Variants in PACS1 observed in about 807,000 individuals in gnomAD.
The protein encoded by PACS1 is phosphofurin acidic cluster sorting protein 1.
In PACS1, 24 loss-of-function variants were observed where a neutral mutation model predicts 115.0. The ratio of observed to expected loss-of-function variants is 0.21; its 90% CI spans 0.15 to 0.29. PACS1 has a LOEUF of 0.29. PACS1 is among the 10% of genes least tolerant of loss of function. PACS1 has a pLI of 1.00. For missense variants in PACS1, 838 were observed against 1,251.2 expected (o/e 0.67, Z 4.98); for synonymous variants, 453 against 504.5 (o/e 0.90, Z 1.37).
At chr11:66,140,581 A>ATTTGAAT (rs1858956110) in intron 1 of PACS1, among the ~76,000 whole-genome samples, 1 of 152,144 alleles carries the variant, frequency 6.6e-6, no homozygotes, top group South Asian at 2.1e-4. Context: ...ATACATTTAC[A>ATTTGAAT]AGGTTCAAAA....
At chr11:66,196,984 C>T (rs1031173864) in intron 2 of PACS1, among the ~76,000 whole-genome samples, 4 of 152,138 alleles carry the variant, frequency 2.6e-5, no homozygotes, top group Non-Finnish European at 5.9e-5. Context: ...TTCTTAAAGA[C>T]TTTTCTGAAG....
intron 19 of PACS1, among the ~76,000 whole-genome samples, chr11:66,237,242 T>G (rs1855723141): frequency 6.6e-6 from 1 of 152,148 alleles, no homozygotes; most frequent in Non-Finnish European, 1.5e-5. Flanking sequence ...TGTATTTTTC[T>G]GCTGAGATGG....
At chr11:66,215,902 A>AAATAAC in intron 4 of PACS1, among the ~76,000 whole-genome samples, 1 of 136,994 alleles carries the variant, frequency 7.3e-6, no homozygotes, top group South Asian at 2.4e-4. Flanking sequence ...TCCGTCTCAA[A>AAATAAC]AATAATAATA....
At chr11:66,169,636 C>T (rs1207215477) in intron 1 of PACS1, among the ~76,000 whole-genome samples, 1 of 143,416 alleles carries the variant, frequency 7.0e-6, no homozygotes, top group African/African-American at 2.8e-5. Context: ...AGGCTGGTCT[C>T]GAACTCCTGA....
At chr11:66,178,688 CAG>C (rs1309337867) in intron 1 of PACS1, among the ~76,000 whole-genome samples, 1 of 151,706 alleles carries the variant, frequency 6.6e-6, no homozygotes, top group Admixed American at 6.6e-5. Context: ...AACAAAAAAA[CAG>C]AAGTGTGGCA....
intron 1 of PACS1, among the ~76,000 whole-genome samples, chr11:66,138,699 T>C (rs1395032528): frequency 3.3e-5 from 5 of 151,838 alleles, no homozygotes; most frequent in Middle Eastern, 3.2e-3. Flanking sequence ...TTTTTTTTTT[T>C]CGAGACAAAG....
intron 2 of PACS1, among the ~76,000 whole-genome samples, chr11:66,204,593 A>T (rs896634137): frequency 1.1e-4 from 17 of 152,238 alleles, no homozygotes; most frequent in Non-Finnish European, 2.4e-4. Context: ...AATGTGGTAC[A>T]TATACACAAT....
At position 66,233,890 on chromosome 11, in the gene PACS1, C is replaced by A; in HGVS notation, c.1944C>A (p.Asn648Lys). ...GGTTCTTTGTCAAGTCCCTGGCCAA[C>A]AAGACCTCCGACTGGCTTGGCTACA... ...ILRFFVKSLA[N>K]KTSDWLGYMR... Residue 648 changes from asparagine (N) to lysine (K), a missense_variant, in exon 16 of 24, where the codon AAC (asparagine) becomes AAA (lysine). Physicochemically the swap from Asn to Lys is moderately conservative, Grantham distance 94. Transcript: ENST00000320580. This position sits in a 1 kb window ranked among gnomAD's most constrained non-coding sequence, Gnocchi z 4.5. The A allele has an allele frequency of 6.3e-7, 1 of 1,598,674 alleles. No individual in the cohort carries two copies.
At chr11:66,110,761 G>A (rs1469613350) in intron 1 of PACS1, among the ~76,000 whole-genome samples, 1 of 151,890 alleles carries the variant, frequency 6.6e-6, no homozygotes, top group East Asian at 1.9e-4. Context: ...TAGAGACGGG[G>A]TTTTGCCATG....
intron 1 of PACS1, among the ~76,000 whole-genome samples, chr11:66,158,208 A>T (rs1859404206): frequency 6.6e-6 from 1 of 152,188 alleles, no homozygotes; most frequent in African/African-American, 2.4e-5. Flanking sequence ...AGCTCAAGTG[A>T]TCCACTGGCT....
At chr11:66,206,954 G>A (rs1348466965) in intron 2 of PACS1, among the ~76,000 whole-genome samples, 3 of 152,128 alleles carry the variant, frequency 2.0e-5, no homozygotes, top group African/African-American at 4.8e-5. Context: ...AATCTCAAAC[G>A]TGCAAAAGTA....
intron 8 of PACS1, chr11:66,220,171 CT>C (rs1855308986): frequency 2.8e-6 from 1 of 351,428 alleles, no homozygotes; most frequent in South Asian, 2.9e-5. Flanking sequence ...TGGAAATGTC[CT>C]TGTTGGTCAG....
At chr11:66,203,147 A>G (rs1020704680) in intron 2 of PACS1, among the ~76,000 whole-genome samples, 4 of 152,192 alleles carry the variant, frequency 2.6e-5, no homozygotes, top group African/African-American at 9.6e-5. Context: ...AACTGATAAA[A>G]TCAGTGAAGT....
At chr11:66,118,334 G>C (rs1008911942) in intron 1 of PACS1, among the ~76,000 whole-genome samples, 1 of 152,208 alleles carries the variant, frequency 6.6e-6, no homozygotes, top group African/African-American at 2.4e-5. Context: ...GCCAGGGGCC[G>C]GGCGCTGTGG....
intron 1 of PACS1, among the ~76,000 whole-genome samples, chr11:66,134,079 G>T (rs954247881): frequency 6.6e-6 from 1 of 151,738 alleles, no homozygotes; most frequent in Non-Finnish European, 1.5e-5. Context: ...TGATCACATT[G>T]TCATTGTTCC....
intron 1 of PACS1, among the ~76,000 whole-genome samples, chr11:66,169,695 G>A (rs1859691921): frequency 1.3e-5 from 2 of 149,266 alleles, no homozygotes; most frequent in South Asian, 2.1e-4. Flanking sequence ...GATTACAGGT[G>A]TGAGTCACTG....
intron 1 of PACS1, among the ~76,000 whole-genome samples, chr11:66,086,679 G>A (rs1159751405): frequency 6.6e-6 from 1 of 152,108 alleles, no homozygotes; most frequent in East Asian, 1.9e-4. Context: ...GTAGTAGTGT[G>A]ATCTCAGCTC....
At chr11:66,194,112 T>C (rs1364752470) in intron 2 of PACS1, among the ~76,000 whole-genome samples, 1 of 152,110 alleles carries the variant, frequency 6.6e-6, no homozygotes, top group African/African-American at 2.4e-5. Context: ...TACAGGCGCC[T>C]GCCACCACGC....
At chr11:66,200,148 G>A (rs1362796686) in intron 2 of PACS1, among the ~76,000 whole-genome samples, 1 of 152,044 alleles carries the variant, frequency 6.6e-6, no homozygotes, top group Non-Finnish European at 1.5e-5. Flanking sequence ...TCAGGGGTTT[G>A]AGACCAGCTT....
Sources: gnomAD v4.1 joint callset for allele counts (sites outside exome capture counted in the v4.1 genomes callset) on GRCh38, gnomAD v4.1.1 for gene constraint, Gnocchi (gnomAD v3.1) non-coding constraint, MANE v1.5 for transcripts, NCBI Gene and HGNC (gene_info 2026-07-23, HGNC 2026-07-21) for gene names.